Variants in ARHGEF17 observed in about 807,000 individuals in gnomAD.
ARHGEF17 encodes 164 kDa Rho-specific guanine-nucleotide exchange factor.
ARHGEF17 carries 80 observed loss-of-function variants against 174.0 expected under a neutral mutation model. The ratio of observed to expected loss-of-function variants is 0.46; its 90% CI spans 0.38 to 0.55. The LOEUF (loss-of-function observed/expected upper bound fraction) is 0.55. ARHGEF17 is among the 20% of genes least tolerant of loss of function. The pLI is 0.00. For missense variants in ARHGEF17, 2,886 were observed against 2,839.7 expected (o/e 1.02, Z -0.37); for synonymous variants, 1,311 against 1,189.1 (o/e 1.10, Z -2.11).
chr11:73,333,968 C>CT (rs1865249203), intron 1 of ARHGEF17, among the ~76,000 whole-genome samples: 1 of 152,246 alleles, frequency 6.6e-6, no homozygotes, highest in East Asian at 1.9e-4. Flanking sequence ...ATTAATTACA[C>CT]TGATACTTGC....
chr11:73,346,929 C>G lies in ARHGEF17; in HGVS notation c.3239C>G (p.Ser1080Trp), dbSNP rs751964355. The change falls in exon 2 of 21, where the codon TCG becomes TGG. Residue 1080 changes from serine to tryptophan, a missense_variant. Coordinates refer to ENST00000263674, the MANE Select transcript of ARHGEF17 (RefSeq NM_014786.4). Reference sequence around the variant, plus strand: ...ATGACCCTGCTGGACACAGAGCAGTCGTATGTGGAGTCGCTGCGCACCCTG... The same window carrying G: ...ATGACCCTGCTGGACACAGAGCAGTGGTATGTGGAGTCGCTGCGCACCCTG... ...VAMTLLDTEQ[S>W]YVESLRTLMQ... 6.4e-7 allele frequency: 1 copy of G among 1,565,566 alleles called. No homozygotes were observed. The highest frequency in any genetic ancestry group is 8.7e-7 in the Non-Finnish European group (1 of 1,148,018).
Position 73,309,611 on chromosome 11 carries a change from G to C in ARHGEF17, c.973G>C (p.Gly325Arg). Reference protein sequence around the residue: ...LSSMNSAGVSGSPEPPTSPRA... With the variant: ...LSSMNSAGVSRSPEPPTSPRA... ...CAGCATGAACTCAGCAGGGGTTTCT[G>C]GGAGCCCTGAGCCCCCAACATCTCC... The change falls in exon 1 of 21, where the codon GGG becomes CGG. Residue 325 changes from glycine (G) to arginine (R), a missense_variant. Physicochemically the swap from Gly to Arg is moderately radical, Grantham distance 125 (BLOSUM62 -2). This residue lies in a region of ARHGEF17 where 1,728 missense variants were observed against 1,461.2 expected (regional missense o/e 1.18). Transcript: ENST00000263674. The C allele has an allele frequency of 6.2e-7, 1 of 1,613,046 alleles. No individual in the cohort carries two copies. The highest frequency in any genetic ancestry group is 8.5e-7 in the Non-Finnish European group (1 of 1,179,994).
At chr11:73,315,905 C>G (rs187337029) in intron 1 of ARHGEF17, among the ~76,000 whole-genome samples, 154 of 152,306 alleles carry the variant, frequency 1.0e-3, no homozygotes, top group African/African-American at 3.6e-3. Flanking sequence ...CCCCTCTCCC[C>G]GTGTAGGGAC....
At chr11:73,328,577 G>A (rs1053412490) in intron 1 of ARHGEF17, among the ~76,000 whole-genome samples, 1 of 152,230 alleles carries the variant, frequency 6.6e-6, no homozygotes, top group Non-Finnish European at 1.5e-5. Flanking sequence ...TTCTACCCCA[G>A]TCTGAATGTG....
At chr11:73,322,181 T>C (rs1390866610) in intron 1 of ARHGEF17, among the ~76,000 whole-genome samples, 2 of 152,200 alleles carry the variant, frequency 1.3e-5, no homozygotes, top group Admixed American at 1.3e-4. Flanking sequence ...GATAGCTCCA[T>C]CTTTCTTAGC....
chr11:73,338,343 T>C (rs1310389581), intron 1 of ARHGEF17, among the ~76,000 whole-genome samples: 1 of 152,160 alleles, frequency 6.6e-6, no homozygotes, highest in Non-Finnish European at 1.5e-5. Flanking sequence ...GGGCCTGCCT[T>C]CTTAATCTCT....
chr11:73,339,759 G>A (rs1865340990), intron 1 of ARHGEF17, among the ~76,000 whole-genome samples: 2 of 152,144 alleles, frequency 1.3e-5, no homozygotes, highest in Non-Finnish European at 2.9e-5. Flanking sequence ...GCCCCTCCTG[G>A]AGTGGGGTGG....
Position 73,309,923 on chromosome 11 carries a change from C to A in ARHGEF17, c.1285C>A (p.Arg429=). The A allele has an allele frequency of 6.2e-7, 1 of 1,613,338 alleles. No individual in the cohort carries two copies. Among genetic ancestry groups the A allele is most frequent in the Non-Finnish European group, 8.5e-7 (1 of 1,179,750 alleles). The change falls in exon 1 of 21, where the codon CGG becomes AGG. Residue 429 remains arginine (R), a synonymous_variant. Transcript: ENST00000263674. The part of the protein sequence containing the change: ...PSFGAGEGLL[R]SQARTRAKGP... Reference sequence around the variant, plus strand: ...CTTTGGAGCTGGGGAAGGGCTCCTGCGGTCCCAGGCTCGAACCCGTGCCAA... The same window carrying A: ...CTTTGGAGCTGGGGAAGGGCTCCTGAGGTCCCAGGCTCGAACCCGTGCCAA...
At chr11:73,343,973 G>A (rs889193630) in intron 1 of ARHGEF17, among the ~76,000 whole-genome samples, 2 of 152,192 alleles carry the variant, frequency 1.3e-5, no homozygotes, top group African/African-American at 2.4e-5. Context: ...CCTTTATGGC[G>A]TCTCTGTGTG....
chr11:73,352,563 GCT>G (rs5792615), intron 2 of ARHGEF17, among the ~76,000 whole-genome samples: 9,297 of 152,180 alleles, frequency 0.061, 909 homozygotes, highest in African/African-American at 0.2. Flanking sequence ...CTCATTCCAA[GCT>G]CTGTTTGTTC....
chr11:73,365,291 T>A lies in ARHGEF17; in HGVS notation c.5551-99T>A, dbSNP rs1028144728. ...TAATCAGACCAAGGACCAACGCTAG[T>A]GTGAGTTGTGAGGGATGGACACTGG... On this transcript the variant is annotated intron_variant, in intron 18 of 20. Coordinates refer to ENST00000263674, the MANE Select transcript of ARHGEF17 (RefSeq NM_014786.4). The surrounding 1 kb of genome is among the most constrained non-coding windows in gnomAD (Gnocchi z 4.9). 7 of 1,370,186 alleles carry A rather than the reference T, an allele frequency of 5.1e-6. No homozygotes were observed. The African/African-American group carries it at 1.0e-4, about 20-fold the overall frequency. 84.9% of individuals were successfully genotyped at this position (1,370,186 alleles called of 1,614,324 possible).
chr11:73,329,352 TATATATA>T (rs1865158080), intron 1 of ARHGEF17, among the ~76,000 whole-genome samples: 14 of 44,674 alleles, frequency 3.1e-4, no homozygotes, highest in African/African-American at 2.5e-3. Flanking sequence ...TATATATATA[TATATATA>T]TATATATATA....
At chr11:73,362,319 C>G (rs1865755909) in intron 13 of ARHGEF17, 80 bp downstream of exon 13, 4 of 1,446,432 alleles carry the variant, frequency 2.8e-6, no homozygotes, top group Middle Eastern at 2.5e-4. Flanking sequence ...TCAGGCCGCC[C>G]CGGCGTGGTT....
rs1230583595 is a variant in ARHGEF17, at chr11:73,310,857, A to G, written c.2219A>G (p.Gln740Arg). The change falls in exon 1 of 21, where the codon CAG (glutamine) becomes CGG (arginine). Residue 740 changes from glutamine (Q) to arginine (R), a missense_variant. Physicochemically the swap from Gln to Arg is conservative, Grantham distance 43. Coordinates refer to ENST00000263674, the MANE Select transcript of ARHGEF17 (RefSeq NM_014786.4). The part of the protein sequence containing the change: ...AYRSLSDPIP[Q>R]RHRAATSEEP... The stretch of plus-strand genomic sequence containing the variant: ...AGGTCCCTGAGTGACCCAATTCCTC[A>G]GCGCCACCGGGCTGCCACCTCTGAA... 1 of 1,611,904 alleles carries G rather than the reference A, an allele frequency of 6.2e-7. No individual in the cohort carries two copies. Among genetic ancestry groups the G allele is most frequent in the Non-Finnish European group, 8.5e-7 (1 of 1,179,200 alleles).
rs375699208 is a variant in ARHGEF17 at position 73,311,716 on chromosome 11, C to T, written c.3078C>T (p.Asp1026=). ...SGEVPAPVPV[D]MPCLPLAAPP... ...AGGTCCCTGCCCCAGTGCCAGTGGA[C>T]ATGCCCTGCTTGCCTCTGGCTGCAC... Residue 1026 remains aspartate, a synonymous_variant, in exon 1 of 21, where the codon GAC becomes GAT. Coordinates refer to ENST00000263674, the MANE Select transcript of ARHGEF17 (RefSeq NM_014786.4). The T allele has an allele frequency of 2.5e-6, 4 of 1,613,218 alleles. No homozygotes were observed. Among genetic ancestry groups the T allele is most frequent in the Non-Finnish European group, 1.7e-6 (2 of 1,180,046 alleles).
chr11:73,316,060 C>T (rs59989907), intron 1 of ARHGEF17, among the ~76,000 whole-genome samples: 2,388 of 152,054 alleles, frequency 0.016, 78 homozygotes, highest in African/African-American at 0.055. Context: ...CTCGAAGGGG[C>T]TTAGGATGTT....
intron 1 of ARHGEF17, among the ~76,000 whole-genome samples, chr11:73,344,467 C>G (rs1263383057): frequency 6.6e-6 from 1 of 152,234 alleles, no homozygotes; most frequent in African/African-American, 2.4e-5. Flanking sequence ...CAGCGCCAGC[C>G]CTGCCTCTCA....
At chr11:73,344,115 A>C (rs1307472114) in intron 1 of ARHGEF17, among the ~76,000 whole-genome samples, 1 of 151,990 alleles carries the variant, frequency 6.6e-6, no homozygotes, top group African/African-American at 2.4e-5. Flanking sequence ...GGTGTAGCGA[A>C]GGTCTGGGGA....
At chr11:73,361,235 A>G in intron 12 of ARHGEF17, 74 bp downstream of exon 12, 5 of 1,370,856 alleles carry the variant, frequency 3.6e-6, no homozygotes, top group Non-Finnish European at 5.2e-6. Context: ...TGTGTACGAC[A>G]TTGTGTATAT....
Sources: allele counts gnomAD v4.1 joint callset (sites outside exome capture counted in the v4.1 genomes callset), GRCh38; gene constraint gnomAD v4.1.1; regional missense constraint gnomAD v4.1.1; non-coding constraint Gnocchi (gnomAD v3.1); transcripts MANE v1.5; gene names NCBI Gene and HGNC (gene_info 2026-07-23, HGNC 2026-07-21).